Variants in CCSER1 observed in about 807,000 individuals in gnomAD.
CCSER1 encodes serine-rich coiled-coil domain-containing protein 1.
A neutral mutation model predicts 82.0 loss-of-function variants in CCSER1; 41 were observed. The ratio of observed to expected loss-of-function variants is 0.50; its 90% CI spans 0.39 to 0.65. The LOEUF (loss-of-function observed/expected upper bound fraction) is 0.65. Among genes scored for constraint, CCSER1 ranks in the 30% least tolerant of loss-of-function variants. The pLI is 0.00. For synonymous variants in CCSER1, 414 were observed against 383.9 expected, an observed-to-expected ratio of 1.08 and a Z score of -0.92; for missense variants, 1,119 against 1,064.2, an observed-to-expected ratio of 1.05 and a Z score of -0.72.
chr4:90,339,395 T>C (rs1740979638), intron 3 of CCSER1, among the ~76,000 whole-genome samples: 1 of 152,164 alleles, frequency 6.6e-6, no homozygotes, highest in Non-Finnish European at 1.5e-5. Flanking sequence ...GCTGCTCAAT[T>C]GATCCTTTTA....
intron 9 of CCSER1, among the ~76,000 whole-genome samples, chr4:90,968,138 T>A (rs1159693613): frequency 2.0e-5 from 3 of 150,278 alleles, no homozygotes; most frequent in African/African-American, 7.4e-5. Flanking sequence ...TATTTAAGAG[T>A]AGAAAAAAGA....
intron 10 of CCSER1, among the ~76,000 whole-genome samples, chr4:91,092,392 C>G (rs144238281): frequency 0.02 from 3,023 of 152,272 alleles, 61 homozygotes; most frequent in South Asian, 0.1. Context: ...TAAGTACACA[C>G]TAGAACCAGT....
intron 10 of CCSER1, among the ~76,000 whole-genome samples, chr4:91,221,573 TA>T (rs57338181): frequency 0.68 from 103,471 of 152,002 alleles, 36,201 homozygotes; most frequent in East Asian, 0.93. Context: ...GATTGGAAAA[TA>T]AAAAATATGC....
chr4:90,229,242 G>C (rs566114000), intron 1 of CCSER1, among the ~76,000 whole-genome samples: 1 of 152,162 alleles, frequency 6.6e-6, no homozygotes, highest in Non-Finnish European at 1.5e-5. Context: ...TACCCACAAA[G>C]GGAAGCCCAT....
At position 90,308,611 on chromosome 4, in the gene CCSER1, T is replaced by TCTTCC; in HGVS notation, c.327_328insCTTCC (p.Lys110LeufsTer20). 1 of 1,613,812 alleles carries TCTTCC rather than the reference T, an allele frequency of 6.2e-7. No homozygotes were observed. The highest frequency in any genetic ancestry group is 8.5e-7 in the Non-Finnish European group (1 of 1,179,824). On this transcript the variant is annotated frameshift_variant, in exon 2 of 11. Coordinates refer to ENST00000509176, the MANE Select transcript of CCSER1 (RefSeq NM_001145065.2). LOFTEE classifies it high-confidence loss of function. Reference sequence around the variant, plus strand: ...AGAAACTGAGTTTGGAAGAACATATTAAGACCAGGGGAAGACATTCTGTTG... The same window carrying TCTTCC: ...AGAAACTGAGTTTGGAAGAACATATTCTTCCAAGACCAGGGGAAGACATTCTGTTG...
intron 5 of CCSER1, among the ~76,000 whole-genome samples, chr4:90,582,890 C>T (rs1781560253): frequency 6.6e-6 from 1 of 152,124 alleles, no homozygotes; most frequent in Non-Finnish European, 1.5e-5. Flanking sequence ...GAAAAATTGA[C>T]TAATATTATA....
intron 6 of CCSER1, among the ~76,000 whole-genome samples, chr4:90,651,875 G>A (rs578084884): frequency 1.3e-5 from 2 of 152,138 alleles, no homozygotes; most frequent in Non-Finnish European, 2.9e-5. Context: ...CAAACACAAT[G>A]TGTGTATCCC....
At chr4:91,521,245 T>C (rs962350598) in intron 10 of CCSER1, among the ~76,000 whole-genome samples, 2 of 152,208 alleles carry the variant, frequency 1.3e-5, no homozygotes, top group Non-Finnish European at 2.9e-5. Context: ...TAGTATTCCA[T>C]GTTGTATATG....
intron 8 of CCSER1, among the ~76,000 whole-genome samples, chr4:90,857,525 G>A (rs1238920236): frequency 6.6e-6 from 1 of 152,044 alleles, no homozygotes; most frequent in African/African-American, 2.4e-5. Context: ...TTCATTAGAA[G>A]CAGATTACCA....
Position 91,488,045 on chromosome 4 carries a change from T to C in CCSER1, c.2218-110527T>C, listed in dbSNP as rs1362352672. Among the ~76,000 whole-genome samples, 3 of 152,094 alleles carry C rather than the reference T, an allele frequency of 2.0e-5. No individual in the cohort carries two copies. In the East Asian group the frequency reaches 5.8e-4, roughly 29 times the overall value. On this transcript the variant is annotated intron_variant, in intron 10 of 10. Coordinates refer to ENST00000509176, the MANE Select transcript of CCSER1 (RefSeq NM_001145065.2). ...TTTAAGAAATATTTTATAGAAAGCA[T>C]TTGAAAATAACTAAATTTTTCACAT...
chr4:90,726,882 A>G (rs1000324342), intron 7 of CCSER1, among the ~76,000 whole-genome samples: 2 of 152,180 alleles, frequency 1.3e-5, no homozygotes, highest in East Asian at 1.9e-4. Context: ...GGCTTTCTCC[A>G]TCTAGACAGG....
chr4:91,216,939 T>A (rs1330588666), intron 10 of CCSER1, among the ~76,000 whole-genome samples: 2 of 151,838 alleles, frequency 1.3e-5, no homozygotes, highest in Non-Finnish European at 2.9e-5. Context: ...ATTTAGGGGG[T>A]ATTGTGTCCG....
intron 10 of CCSER1, among the ~76,000 whole-genome samples, chr4:91,101,633 C>T (rs1488223804): frequency 6.8e-6 from 1 of 146,596 alleles, no homozygotes; most frequent in East Asian, 2.0e-4. Flanking sequence ...GACTCCGTCT[C>T]AAAAAAAAAA....
chr4:90,615,247 T>C (rs926710811), intron 5 of CCSER1, among the ~76,000 whole-genome samples: 39 of 152,194 alleles, frequency 2.6e-4, no homozygotes, highest in African/African-American at 8.9e-4. Context: ...AAAGTTGTTT[T>C]CATGCCGTCT....
intron 10 of CCSER1, among the ~76,000 whole-genome samples, chr4:91,515,288 A>G (rs1485752718): frequency 6.6e-6 from 1 of 152,056 alleles, no homozygotes; most frequent in African/African-American, 2.4e-5. Context: ...ATTGGTGTAC[A>G]GACTGTCTCA....
chr4:90,881,047 TA>T (rs11355989), intron 8 of CCSER1, among the ~76,000 whole-genome samples: 62,914 of 144,818 alleles, frequency 0.43, 13,754 homozygotes, highest in African/African-American at 0.56. Context: ...CCCTAAAAAT[TA>T]AAAAAAAAAA....
chr4:90,687,822 A>G (rs1192008500), intron 6 of CCSER1, among the ~76,000 whole-genome samples: 3 of 152,136 alleles, frequency 2.0e-5, no homozygotes, highest in Non-Finnish European at 1.5e-5. Context: ...TTCATAATTG[A>G]TGGGTCACCA....
intron 1 of CCSER1, among the ~76,000 whole-genome samples, chr4:90,229,242 G>A (rs566114000): frequency 6.6e-6 from 1 of 152,162 alleles, no homozygotes; most frequent in African/African-American, 2.4e-5. Context: ...TACCCACAAA[G>A]GGAAGCCCAT....
chr4:90,230,767 C>T (rs1744345946), intron 1 of CCSER1, among the ~76,000 whole-genome samples: 2 of 151,654 alleles, frequency 1.3e-5, no homozygotes, highest in African/African-American at 4.8e-5. Context: ...CAAATAGACG[C>T]AATAAAAAAT....
Sources: allele counts gnomAD v4.1 joint callset (sites outside exome capture counted in the v4.1 genomes callset), GRCh38; gene constraint gnomAD v4.1.1; transcripts MANE v1.5; gene names NCBI Gene and HGNC (gene_info 2026-07-23, HGNC 2026-07-21).